TMEM132D: variants seen among roughly 807,000 people sequenced by gnomAD.
TMEM132D encodes mature OL transmembrane protein.
In TMEM132D, 21 loss-of-function variants were observed where a neutral mutation model predicts 62.3. The observed-to-expected ratio is 0.34, with a 90% confidence interval of 0.24 to 0.49. The LOEUF is 0.49. TMEM132D is among the 20% of genes least tolerant of loss of function. TMEM132D has a pLI of 0.99. For missense variants in TMEM132D, 1,346 were observed against 1,402.8 expected, an observed-to-expected ratio of 0.96 and a Z score of 0.65; for synonymous variants, 621 against 575.6, an observed-to-expected ratio of 1.08 and a Z score of -1.13.
In TMEM132D at chr12:129,089,233, C is replaced by T. The variant is rs1874802410; in HGVS notation, c.1444-4531G>A. Among the ~76,000 whole-genome samples the T allele has an allele frequency of 8.2e-5, 3 of 36,738 alleles. 1 individual carries two copies. Among genetic ancestry groups the T allele is most frequent in the South Asian group, 2.1e-3 (2 of 960 alleles). 24.1% of individuals were successfully genotyped at this position (36,738 alleles called of 152,430 possible). ...TCTATGACCGGGTGTCCTCTATGAC[C>T]GGGTGTCCTCCCTGACCGGGTGTCC... On this transcript the variant is annotated intron_variant, in intron 5 of 8. Coordinates refer to ENST00000422113, the MANE Select transcript of TMEM132D (RefSeq NM_133448.3).
chr12:129,699,712 T>C, intron 2 of TMEM132D, 98 bp downstream of exon 2: 1 of 1,467,130 alleles, frequency 6.8e-7, no homozygotes, highest in Non-Finnish European at 9.3e-7. Flanking sequence ...CCGGCTCTAC[T>C]TCGGTGAGCG....
intron 1 of TMEM132D, among the ~76,000 whole-genome samples, chr12:129,768,030 C>T (rs1307409532): frequency 6.6e-6 from 1 of 152,122 alleles, no homozygotes; most frequent in Non-Finnish European, 1.5e-5. Flanking sequence ...ATCATGAGAA[C>T]AGCATGGGAA....
At chr12:129,192,185 G>A (rs1168831773) in intron 5 of TMEM132D, among the ~76,000 whole-genome samples, 1 of 152,172 alleles carries the variant, frequency 6.6e-6, no homozygotes, top group Non-Finnish European at 1.5e-5. Context: ...GGGAGGTCTG[G>A]AAGAGACCCC....
At chr12:129,166,001 A>C (rs1009876469) in intron 5 of TMEM132D, among the ~76,000 whole-genome samples, 1 of 152,210 alleles carries the variant, frequency 6.6e-6, no homozygotes, top group African/African-American at 2.4e-5. Flanking sequence ...CACAACCACC[A>C]TTGGAAACAG....
chr12:129,168,634 G>A (rs1012797123), intron 5 of TMEM132D, among the ~76,000 whole-genome samples: 1 of 152,270 alleles, frequency 6.6e-6, no homozygotes, highest in African/African-American at 2.4e-5. Context: ...CCCCAGGGGG[G>A]TTCCACCTGG....
At chr12:129,314,297 G>C (rs1000259900) in intron 4 of TMEM132D, among the ~76,000 whole-genome samples, 1 of 152,140 alleles carries the variant, frequency 6.6e-6, no homozygotes, top group African/African-American at 2.4e-5. Flanking sequence ...TTTTTATAAG[G>C]TGAGAGATGA....
chr12:129,192,551 C>A (rs952753738), intron 5 of TMEM132D, among the ~76,000 whole-genome samples: 55 of 152,348 alleles, frequency 3.6e-4, no homozygotes, highest in Non-Finnish European at 2.5e-4. Flanking sequence ...AAAGACTAAT[C>A]ATGAAAAATA....
chr12:129,418,548 C>T (rs146378335), intron 3 of TMEM132D, among the ~76,000 whole-genome samples: 24,403 of 151,464 alleles, frequency 0.16, 2,126 homozygotes, highest in African/African-American at 0.18. Flanking sequence ...CATCACACAC[C>T]GGGGCCTGTT....
chr12:129,474,749 T>G (rs4759580), intron 3 of TMEM132D, among the ~76,000 whole-genome samples: 113,420 of 151,548 alleles, frequency 0.75, 42,458 homozygotes, highest in Middle Eastern at 0.78. Context: ...GGGCTCTACA[T>G]GTTCAGTCTG....
At chr12:129,409,350 G>T (rs192278759) in intron 3 of TMEM132D, among the ~76,000 whole-genome samples, 17 of 152,246 alleles carry the variant, frequency 1.1e-4, no homozygotes, top group Non-Finnish European at 2.5e-4. Context: ...TCTGTGTGTC[G>T]GACACTCACA....
At position 129,706,984 on chromosome 12, in the gene TMEM132D, CATT is replaced by C. The variant is rs1314189865; in HGVS notation, c.80-6289_80-6287del. 3.3e-5 allele frequency among the ~76,000 whole-genome samples: 5 copies of C among 151,314 alleles called. No individual in the cohort carries two copies. The East Asian group carries it at 7.8e-4, about 23-fold the overall frequency. ...GCAAATTCATAGTCTTCAATAGTAT[CATT>C]ATTAAACGAAATAAAATTGATCAAC... On this transcript the variant is annotated intron_variant, in intron 1 of 8. Coordinates refer to ENST00000422113, the MANE Select transcript of TMEM132D (RefSeq NM_133448.3).
At chr12:129,637,988 C>T (rs537064023) in intron 2 of TMEM132D, among the ~76,000 whole-genome samples, 56 of 152,252 alleles carry the variant, frequency 3.7e-4, no homozygotes, top group African/African-American at 1.3e-3. Context: ...CACTAGGGAT[C>T]ACGTTTCAAA....
At chr12:129,635,544 TC>T (rs1288155637) in intron 2 of TMEM132D, among the ~76,000 whole-genome samples, 1 of 152,194 alleles carries the variant, frequency 6.6e-6, no homozygotes, top group Non-Finnish European at 1.5e-5. Flanking sequence ...AGACACCTGT[TC>T]CCCAGTGCAT....
intron 1 of TMEM132D, among the ~76,000 whole-genome samples, chr12:129,800,621 C>T (rs903393375): frequency 1.3e-5 from 2 of 152,154 alleles, no homozygotes; most frequent in African/African-American, 4.8e-5. Context: ...AACAAAACAT[C>T]CCTCCCTCCG....
At chr12:129,346,788 G>T (rs1869698644) in intron 3 of TMEM132D, among the ~76,000 whole-genome samples, 1 of 152,154 alleles carries the variant, frequency 6.6e-6, no homozygotes, top group African/African-American at 2.4e-5. Flanking sequence ...AAGGTGACAT[G>T]ATTGTATATT....
intron 1 of TMEM132D, among the ~76,000 whole-genome samples, chr12:129,885,834 C>T (rs1199487594): frequency 1.2e-4 from 18 of 152,174 alleles, no homozygotes; most frequent in Admixed American, 1.2e-3. Flanking sequence ...CACGACCATC[C>T]ACTTATAAAA....
intron 1 of TMEM132D, among the ~76,000 whole-genome samples, chr12:129,895,635 A>T (rs1208814560): frequency 6.6e-6 from 1 of 152,168 alleles, no homozygotes; most frequent in Non-Finnish European, 1.5e-5. Context: ...TCATACGAAC[A>T]TTCCTTCTGC....
At chr12:129,603,404 T>A (rs1247502859) in intron 2 of TMEM132D, among the ~76,000 whole-genome samples, 1 of 152,228 alleles carries the variant, frequency 6.6e-6, no homozygotes, top group Non-Finnish European at 1.5e-5. Context: ...CAGCATGTAG[T>A]CTTTTCTAAT....
intron 1 of TMEM132D, among the ~76,000 whole-genome samples, chr12:129,771,423 T>A (rs1565980091): frequency 6.6e-6 from 1 of 152,222 alleles, no homozygotes; most frequent in Non-Finnish European, 1.5e-5. Flanking sequence ...GGGGGCTCAG[T>A]AATTGCCAGG....
Sources: allele counts gnomAD v4.1 joint callset (sites outside exome capture counted in the v4.1 genomes callset), GRCh38; gene constraint gnomAD v4.1.1; transcripts MANE v1.5; gene names NCBI Gene and HGNC (gene_info 2026-07-23, HGNC 2026-07-21).